Variants in PPP4R4 observed in about 807,000 individuals in gnomAD.
PPP4R4 encodes protein phosphatase 4 regulatory subunit 4.
Under a neutral mutation model 121.8 loss-of-function variants are expected in PPP4R4, and 70 were observed. That is an observed-to-expected ratio of 0.57 (90% CI 0.47 to 0.70). The LOEUF (loss-of-function observed/expected upper bound fraction) is 0.70. PPP4R4 is among the 30% of genes least tolerant of loss of function. The pLI is 0.00. For missense variants in PPP4R4, 875 were observed against 1,033.6 expected (o/e 0.85, Z 2.10); for synonymous variants, 348 against 355.7 (o/e 0.98, Z 0.24).
chr14:94,218,432 G>GCA (rs548042284), intron 3 of PPP4R4, among the ~76,000 whole-genome samples: 1 of 79,524 alleles, frequency 1.3e-5, no homozygotes, highest in Non-Finnish European at 2.4e-5. Context: ...GCACGCGCGC[G>GCA]CACACACACA....
chr14:94,269,778 T>C (rs1320592022), intron 23 of PPP4R4, among the ~76,000 whole-genome samples: 1 of 152,150 alleles, frequency 6.6e-6, no homozygotes, highest in African/African-American at 2.4e-5. Flanking sequence ...CCACTGTTCA[T>C]TGTGTGGGGA....
rs531604277 is a variant in PPP4R4, at chr14:94,186,806, T to C, written c.191+10679T>C. On this transcript the variant is annotated intron_variant, in intron 2 of 24. Coordinates refer to ENST00000304338, the MANE Select transcript of PPP4R4 (RefSeq NM_058237.2). ...AAGTCATTCTAGTGGTGTGTAGTGT[T>C]ATTTCATTGTGTTTATGATTTGTTC... is the stretch of plus-strand genomic sequence containing the variant. Among the ~76,000 whole-genome samples the C allele has an allele frequency of 8.5e-5, 13 of 152,312 alleles. No individual in the cohort carries two copies. In the East Asian group the frequency reaches 2.3e-3, roughly 27 times the overall value.
Position 94,246,406 on chromosome 14 carries a change from G to T in PPP4R4, c.1478G>T (p.Arg493Leu). The T allele has an allele frequency of 6.2e-7, 1 of 1,613,938 alleles. No individual in the cohort carries two copies. Among genetic ancestry groups the T allele is most frequent in the Non-Finnish European group, 8.5e-7 (1 of 1,179,956 alleles). ...CCAGCACTCACAGCTGCTGAACAGC[G>T]AGCTGCAGCCTCTTTAAAATGGAGA... ...LIPALTAAEQ[R>L]AAASLKWRTH... The change falls in exon 14 of 25, where the codon CGA becomes CTA. Residue 493 changes from arginine to leucine, a missense_variant. Coordinates refer to ENST00000304338, the MANE Select transcript of PPP4R4 (RefSeq NM_058237.2).
At chr14:94,217,257 C>G (rs186053721) in intron 3 of PPP4R4, among the ~76,000 whole-genome samples, 2 of 152,288 alleles carry the variant, frequency 1.3e-5, no homozygotes, top group African/African-American at 4.8e-5. Context: ...CCTTTGGCAT[C>G]TGAGGCTGCA....
At chr14:94,223,652 C>T (rs1891535201) in intron 3 of PPP4R4, among the ~76,000 whole-genome samples, 1 of 152,130 alleles carries the variant, frequency 6.6e-6, no homozygotes, top group Admixed American at 6.5e-5. Context: ...TTTTACTACC[C>T]TGTTAGTTTC....
intron 3 of PPP4R4, among the ~76,000 whole-genome samples, chr14:94,217,204 G>A (rs887791571): frequency 1.3e-5 from 2 of 151,942 alleles, no homozygotes; most frequent in Admixed American, 6.6e-5. Flanking sequence ...GAGAGAGACC[G>A]CCTGCTGAAA....
At chr14:94,232,663 C>T (rs1173978456) in intron 5 of PPP4R4, among the ~76,000 whole-genome samples, 3 of 152,092 alleles carry the variant, frequency 2.0e-5, no homozygotes, top group Non-Finnish European at 4.4e-5. Flanking sequence ...AGGAAACAAG[C>T]CAGTTGACTA....
Position 94,279,655 on chromosome 14 carries a change from C to T in PPP4R4, c.*1012C>T, listed in dbSNP as rs531866619. On this transcript the variant is annotated 3_prime_UTR_variant, in exon 25 of 25. Coordinates refer to ENST00000304338, the MANE Select transcript of PPP4R4 (RefSeq NM_058237.2). ...ATAAAGATGATCTAATTTGTGAATG[C>T]ATATGTATGTGTGGTTACTTTTTAT... 1.3e-5 allele frequency: 2 copies of T among 152,420 alleles called. No individual in the cohort carries two copies. Among genetic ancestry groups the T allele is most frequent in the Admixed American group, 6.6e-5 (1 of 15,248 alleles). The allele number at this position is 152,420 out of a possible 1,614,324, so 9.4% of individuals were successfully genotyped here.
intron 2 of PPP4R4, among the ~76,000 whole-genome samples, chr14:94,191,845 T>A (rs1889619954): frequency 6.6e-6 from 1 of 152,126 alleles, no homozygotes; most frequent in African/African-American, 2.4e-5. Context: ...TTAGAAATCC[T>A]TTTAGGCTGT....
intron 3 of PPP4R4, among the ~76,000 whole-genome samples, chr14:94,212,161 TTA>T (rs1329705117): frequency 6.6e-6 from 1 of 152,218 alleles, no homozygotes; most frequent in Non-Finnish European, 1.5e-5. Context: ...TTTGCTGGCC[TTA>T]TGTATTATAA....
At chr14:94,269,164 T>C (rs1247002115) in intron 23 of PPP4R4, among the ~76,000 whole-genome samples, 1 of 152,142 alleles carries the variant, frequency 6.6e-6, no homozygotes, top group Non-Finnish European at 1.5e-5. Flanking sequence ...AGAGAAGAGA[T>C]CTTATTTGTC....
intron 2 of PPP4R4, among the ~76,000 whole-genome samples, chr14:94,178,746 G>A (rs912094427): frequency 4.6e-5 from 7 of 152,190 alleles, no homozygotes; most frequent in Non-Finnish European, 8.8e-5. Context: ...ATTTAGCACT[G>A]AAGCAAAACA....
chr14:94,190,047 TC>T (rs1239887824), intron 2 of PPP4R4, among the ~76,000 whole-genome samples: 5 of 103,642 alleles, frequency 4.8e-5, no homozygotes, highest in South Asian at 3.1e-4. Flanking sequence ...CTTGCTTTTA[TC>T]TTTTTTTTTT....
rs1403136983 is a variant in PPP4R4, at chr14:94,205,666, A to G, written c.192-2798A>G. The stretch of plus-strand genomic sequence containing the variant: ...TTCCCTCTTTGAATATGTTACCTGT[A>G]TCCCACAAATGTTGATTTTTTATTT... On this transcript the variant is annotated intron_variant, in intron 2 of 24. Coordinates refer to ENST00000304338, the MANE Select transcript of PPP4R4 (RefSeq NM_058237.2). 4.6e-5 allele frequency among the ~76,000 whole-genome samples: 7 copies of G among 151,656 alleles called. No individual in the cohort carries two copies. The South Asian group carries it at 8.3e-4, about 18-fold the overall frequency.
At chr14:94,226,274 T>C (rs1891693680) in intron 3 of PPP4R4, among the ~76,000 whole-genome samples, 1 of 152,222 alleles carries the variant, frequency 6.6e-6, no homozygotes, top group South Asian at 2.1e-4. Flanking sequence ...AGTCATATGA[T>C]ACTTGTATTT....
At chr14:94,276,676 G>T (rs994852042) in intron 24 of PPP4R4, among the ~76,000 whole-genome samples, 2 of 152,130 alleles carry the variant, frequency 1.3e-5, no homozygotes, top group South Asian at 4.1e-4. Flanking sequence ...CTCCCACCAG[G>T]CCTCATCTCC....
rs74074135 is a variant in PPP4R4 at position 94,224,319 on chromosome 14, G to A, written c.295-6268G>A. On this transcript the variant is annotated intron_variant, in intron 3 of 24. Coordinates refer to ENST00000304338, the MANE Select transcript of PPP4R4 (RefSeq NM_058237.2). ...GAAATCTCATGCTGACTGTAAAGTC[G>A]AAAATGAATCAGAAGAGAGTGATGT... 3.1e-3 allele frequency among the ~76,000 whole-genome samples: 466 copies of A among 152,266 alleles called. 2 individuals carry two copies. Among genetic ancestry groups the A allele is most frequent in the African/African-American group, 0.011 (448 of 41,546 alleles).
chr14:94,198,603 C>A (rs762369710), intron 2 of PPP4R4, among the ~76,000 whole-genome samples: 1 of 152,028 alleles, frequency 6.6e-6, no homozygotes, highest in Non-Finnish European at 1.5e-5. Context: ...CTTGTCAAAC[C>A]CAAGGTCACT....
intron 3 of PPP4R4, among the ~76,000 whole-genome samples, chr14:94,219,915 G>C (rs973344889): frequency 2.6e-5 from 4 of 152,164 alleles, no homozygotes; most frequent in African/African-American, 9.7e-5. Flanking sequence ...AGGCAAGATA[G>C]TGAGACCCTG....
Sources: allele counts gnomAD v4.1 joint callset (sites outside exome capture counted in the v4.1 genomes callset), GRCh38; gene constraint gnomAD v4.1.1; transcripts MANE v1.5; gene names NCBI Gene and HGNC (gene_info 2026-07-23, HGNC 2026-07-21).